Variants in ZNF510 observed in about 807,000 individuals in gnomAD.
The protein encoded by ZNF510 is zinc finger protein 510.
In ZNF510, 15 loss-of-function variants were observed where a neutral mutation model predicts 18.1. The ratio of observed to expected loss-of-function variants is 0.83; its 90% CI spans 0.55 to 1.28. The LOEUF (loss-of-function observed/expected upper bound fraction) is 1.28, where lower values mean the gene tolerates loss of function less well. Ranked by LOEUF, ZNF510 falls within the 50% of genes most tolerant of loss-of-function variation. The pLI, the probability that ZNF510 is intolerant of heterozygous loss-of-function variation, is 0.00. For missense variants in ZNF510, 724 were observed against 791.8 expected (o/e 0.91, Z 1.03); for synonymous variants, 261 against 266.4 (o/e 0.98, Z 0.20).
chr9:96,766,201 C>T (rs1176814710), intron 3 of ZNF510, among the ~76,000 whole-genome samples: 1 of 152,106 alleles, frequency 6.6e-6, no homozygotes, highest in Non-Finnish European at 1.5e-5. Flanking sequence ...AATGAGATAT[C>T]AATCTACAAT....
chr9:96,763,644 C>A lies in ZNF510; in HGVS notation c.130-12G>T. On this transcript the variant is annotated splice_polypyrimidine_tract_variant and intron_variant, in intron 3 of 5. Transcript: ENST00000223428. ...AATGACACTGATGCCTGTAACAGTA[C>A]ATTTCTATTCAATCTGAAGGGTTCA... is the stretch of plus-strand genomic sequence containing the variant. 1.3e-6 allele frequency: 2 copies of A among 1,583,812 alleles called. No individual in the cohort carries two copies. The highest frequency in any genetic ancestry group is 1.7e-6 in the Non-Finnish European group (2 of 1,167,578).
Position 96,760,025 on chromosome 9 carries a change from A to T in ZNF510, c.805T>A (p.Cys269Ser). 1 of 1,612,764 alleles carries T rather than the reference A, an allele frequency of 6.2e-7. No homozygotes were observed. The highest frequency in any genetic ancestry group is 8.5e-7 in the Non-Finnish European group (1 of 1,179,744). ...IGKAFNDKANCVKHNSSHTGE... is the reference protein window; with the variant it reads ...IGKAFNDKANSVKHNSSHTGE... ...GTGTGAGAACTGTTATGTTTAACAC[A>T]GTTAGCCTTATCATTAAAGGCTTTT... The change falls in exon 6 of 6, where the codon TGT becomes AGT. Residue 269 changes from cysteine to serine, a missense_variant. Cys to Ser is a moderately radical substitution (Grantham distance 112). Transcript: ENST00000223428.
At position 96,760,145 on chromosome 9, in the gene ZNF510, T is replaced by C. The variant is rs1254011054; in HGVS notation, c.685A>G (p.Asn229Asp). ...TAATTGAGAGCTTTCATGTTTTTAT[T>C]ATGTTCATAAAATTTCTCTCCAGTC... Reference protein sequence around the residue: ...TQTGEKFYEHNKNMKALNYNE... With the variant: ...TQTGEKFYEHDKNMKALNYNE... The change falls in exon 6 of 6, where the codon AAT (asparagine) becomes GAT (aspartate). Residue 229 changes from asparagine to aspartate, a missense_variant. Asn to Asp is a conservative substitution (Grantham distance 23). Coordinates refer to ENST00000223428, the MANE Select transcript of ZNF510 (RefSeq NM_014930.3). The C allele has an allele frequency of 6.2e-7, 1 of 1,611,464 alleles. No homozygotes were observed. Among genetic ancestry groups the C allele is most frequent in the South Asian group, 1.1e-5 (1 of 90,334 alleles).
At chr9:96,771,428 T>A (rs1396233622) in intron 3 of ZNF510, among the ~76,000 whole-genome samples, 2 of 140,272 alleles carry the variant, frequency 1.4e-5, no homozygotes, top group Non-Finnish European at 3.0e-5. Flanking sequence ...TACTCATGCA[T>A]GATTAAAAAA....
rs979168090 is a variant in ZNF510 at position 96,760,119 on chromosome 9, A to G, written c.711T>C (p.Tyr237=). The G allele has an allele frequency of 3.1e-6, 5 of 1,609,352 alleles. No homozygotes were observed. The highest frequency in any genetic ancestry group is 1.3e-5 in the African/African-American group (1 of 74,616). Reference sequence around the variant, plus strand: ...TTGGATGCTTGGGAAGATTTTCATTATAATTGAGAGCTTTCATGTTTTTAT... The same window carrying G: ...TTGGATGCTTGGGAAGATTTTCATTGTAATTGAGAGCTTTCATGTTTTTAT... ...EHNKNMKALN[Y]NENLPKHPKF... is the part of the protein sequence containing the mutation. Residue 237 remains tyrosine, a synonymous_variant, in exon 6 of 6, where the codon TAT becomes TAC. Coordinates refer to ENST00000223428, the MANE Select transcript of ZNF510 (RefSeq NM_014930.3).
Position 96,756,458 on chromosome 9 carries a change from C to T in ZNF510, c.*2320G>A, listed in dbSNP as rs1564430660. ...TGCTTCGTTCTGGAAAGAGGTGATA[C>T]ATTATTTCCCTTCTAAGAGACAGCT... is the stretch of plus-strand genomic sequence containing the variant. On this transcript the variant is annotated 3_prime_UTR_variant, in exon 6 of 6. Transcript: ENST00000223428. The T allele has an allele frequency of 6.6e-6, 1 of 152,208 alleles. No individual in the cohort carries two copies. Among genetic ancestry groups the T allele is most frequent in the Non-Finnish European group, 1.5e-5 (1 of 68,042 alleles). The allele number at this position is 152,208 out of a possible 1,614,324, so 9.4% of individuals were successfully genotyped here. A position where few individuals can be genotyped will look rare whatever the true frequency, so the allele number is the denominator to read the frequency against.
Position 96,758,943 on chromosome 9 carries a change from C to CCTTT in ZNF510, c.1886_1887insAAAG (p.Cys630LysfsTer3). ...CAAAAGTTTTCCCACATTTATTACA[C>CCTTT]TGAAAGGGTTTCTCCCCTGTGTGAA... On this transcript the variant is annotated frameshift_variant, in exon 6 of 6. Transcript: ENST00000223428. LOFTEE classifies it low-confidence loss of function (END_TRUNC). 6.2e-7 allele frequency: 1 copy of CCTTT among 1,613,810 alleles called. No homozygotes were observed. The highest frequency in any genetic ancestry group is 8.5e-7 in the Non-Finnish European group (1 of 1,179,934).
intron 3 of ZNF510, among the ~76,000 whole-genome samples, chr9:96,770,958 G>C (rs569317325): frequency 6.6e-6 from 1 of 152,198 alleles, no homozygotes; most frequent in East Asian, 1.9e-4. Flanking sequence ...GCACGATTTG[G>C]ATTTTCTATA....
intron 2 of ZNF510, among the ~76,000 whole-genome samples, chr9:96,775,480 C>T (rs1849676480): frequency 1.3e-5 from 2 of 152,110 alleles, no homozygotes; most frequent in Admixed American, 6.6e-5. Context: ...ATATTATTTA[C>T]ACCAATAGAA....
intron 3 of ZNF510, among the ~76,000 whole-genome samples, chr9:96,765,397 C>G (rs757435532): frequency 5.3e-5 from 8 of 152,162 alleles, no homozygotes; most frequent in Non-Finnish European, 8.8e-5. Flanking sequence ...CCAGATGAGG[C>G]TCAACAAGGT....
At chr9:96,762,825 A>G (rs1219076859) in intron 5 of ZNF510, 2 of 208,132 alleles carry the variant, frequency 9.6e-6, no homozygotes, top group African/African-American at 2.3e-5. Context: ...CTTTTCCCAC[A>G]ATGACTCGCA....
chr9:96,769,966 T>G (rs1254743102), intron 3 of ZNF510, among the ~76,000 whole-genome samples: 2 of 152,078 alleles, frequency 1.3e-5, no homozygotes, highest in Non-Finnish European at 2.9e-5. Context: ...ACACTGCTGG[T>G]GGGAATGTAA....
intron 1 of ZNF510, chr9:96,777,576 GCTTAC>G (rs1849729719): frequency 6.6e-6 from 1 of 152,300 alleles, no homozygotes; most frequent in African/African-American, 2.4e-5. Context: ...ACAGGGGATG[GCTTAC>G]CTCTGAACGA....
chr9:96,758,782 T>C lies in ZNF510; in HGVS notation c.2048A>G (p.Tyr683Cys). The C allele has an allele frequency of 1.3e-6, 2 of 1,569,478 alleles. No homozygotes were observed. Among genetic ancestry groups the C allele is most frequent in the Non-Finnish European group, 1.7e-6 (2 of 1,159,830 alleles). ...YQKIQGEGNP[Y>C] ...AAGGATTTTCTAGTTATTACATCAA[T>C]AGGGATTCCCCTCTCCCTGAATTTT... is the stretch of plus-strand genomic sequence containing the variant. Residue 683 changes from tyrosine (Y) to cysteine (C), a missense_variant, in exon 6 of 6, where the codon TAT becomes TGT. Transcript: ENST00000223428.
chr9:96,774,247 T>G (rs2118067894), intron 3 of ZNF510, among the ~76,000 whole-genome samples: 1 of 152,310 alleles, frequency 6.6e-6, no homozygotes, highest in South Asian at 2.1e-4. Flanking sequence ...ACCATCGATC[T>G]CTCCTTTCTT....
chr9:96,771,253 G>GAAAT (rs1307675268), intron 3 of ZNF510, among the ~76,000 whole-genome samples: 1 of 152,004 alleles, frequency 6.6e-6, no homozygotes, highest in African/African-American at 2.4e-5. Flanking sequence ...ATTGAATCCA[G>GAAAT]AAATAACTTA....
rs1156400006 is a variant in ZNF510 at position 96,759,233 on chromosome 9, T to C, written c.1597A>G (p.Ile533Val). 6.2e-7 allele frequency: 1 copy of C among 1,613,864 alleles called. No homozygotes were observed. Among genetic ancestry groups the C allele is most frequent in the Non-Finnish European group, 8.5e-7 (1 of 1,179,944 alleles). Residue 533 changes from isoleucine to valine, a missense_variant, in exon 6 of 6, where the codon ATA (isoleucine) becomes GTA (valine). Coordinates refer to ENST00000223428, the MANE Select transcript of ZNF510 (RefSeq NM_014930.3). ...TCCCCAGTGTGAGTTCTCTGATGTA[T>C]TCTGAGGTTTGACTTCTGGCCAAAT... ...KTFGQKSNLR[I>V]HQRTHTGEKT...
intron 3 of ZNF510, among the ~76,000 whole-genome samples, chr9:96,765,107 T>C (rs772885334): frequency 5.3e-5 from 8 of 150,088 alleles, no homozygotes; most frequent in Non-Finnish European, 1.2e-4. Flanking sequence ...AGTGAGATTC[T>C]TGTATAAAAA....
chr9:96,765,469 G>A (rs1849448074), intron 3 of ZNF510, among the ~76,000 whole-genome samples: 1 of 151,734 alleles, frequency 6.6e-6, no homozygotes, highest in African/African-American at 2.4e-5. Context: ...AGTCTATTTA[G>A]TGCCATATTT....
Sources: gnomAD v4.1 joint callset for allele counts (sites outside exome capture counted in the v4.1 genomes callset) on GRCh38, gnomAD v4.1.1 for gene constraint, MANE v1.5 for transcripts, NCBI Gene and HGNC (gene_info 2026-07-23, HGNC 2026-07-21) for gene names.